Variants in NRXN1 observed in about 807,000 individuals in gnomAD.
The protein encoded by NRXN1 is neurexin-1.
In NRXN1, 39 loss-of-function variants were observed where a neutral mutation model predicts 150.9. The ratio of observed to expected loss-of-function variants is 0.26; its 90% CI spans 0.20 to 0.34. The LOEUF is 0.34. Among genes scored for constraint, NRXN1 ranks in the 10% least tolerant of loss-of-function variants. The pLI is 1.00. For missense variants in NRXN1, 1,815 were observed against 1,949.9 expected (o/e 0.93, Z 1.30); for synonymous variants, 924 against 757.0 (o/e 1.22, Z -3.62).
chr2:50,626,727 C>G (rs1410489259), intron 5 of NRXN1, among the ~76,000 whole-genome samples: 1 of 151,896 alleles, frequency 6.6e-6, no homozygotes, highest in Non-Finnish European at 1.5e-5. Context: ...CATAAAGGCA[C>G]TAATAAATAT....
At chr2:50,948,690 C>T (rs1690802455) in intron 2 of NRXN1, among the ~76,000 whole-genome samples, 1 of 151,972 alleles carries the variant, frequency 6.6e-6, no homozygotes, top group Non-Finnish European at 1.5e-5. Flanking sequence ...CACTTTGGAA[C>T]CTCAGAGTAG....
intron 5 of NRXN1, among the ~76,000 whole-genome samples, chr2:50,690,961 T>C (rs1244359005): frequency 1.3e-5 from 2 of 152,200 alleles, no homozygotes; most frequent in Non-Finnish European, 2.9e-5. Context: ...TAAATGATGA[T>C]TAAGCTGAGT....
intron 5 of NRXN1, among the ~76,000 whole-genome samples, chr2:50,680,818 G>C (rs1237555423): frequency 6.6e-6 from 1 of 151,492 alleles, no homozygotes; most frequent in Admixed American, 6.6e-5. Context: ...TTGGATTCAA[G>C]GTTATGCTAT....
intron 17 of NRXN1, among the ~76,000 whole-genome samples, chr2:50,423,961 C>A (rs546756228): frequency 6.6e-6 from 1 of 152,116 alleles, no homozygotes; most frequent in Non-Finnish European, 1.5e-5. Context: ...ACTTCCAGAA[C>A]TGAAAATTTA....
intron 21 of NRXN1, among the ~76,000 whole-genome samples, chr2:50,033,434 T>C (rs796488254): frequency 2.8e-4 from 43 of 152,064 alleles, no homozygotes; most frequent in African/African-American, 9.9e-4. Context: ...ATGAAGAAGA[T>C]TGGAACTGGA....
chr2:50,986,920 C>T (rs1268120705), intron 2 of NRXN1, among the ~76,000 whole-genome samples: 1 of 151,408 alleles, frequency 6.6e-6, no homozygotes, highest in Non-Finnish European at 1.5e-5. Context: ...AAAACAGCAC[C>T]CTGAAATCTT....
chr2:50,068,197 G>A (rs907182903), intron 19 of NRXN1, among the ~76,000 whole-genome samples: 2 of 152,018 alleles, frequency 1.3e-5, no homozygotes, highest in Non-Finnish European at 2.9e-5. Context: ...GAAAGATGAG[G>A]TTTGTCCATT....
chr2:50,502,765 TATA>T (rs1337995346), intron 13 of NRXN1, among the ~76,000 whole-genome samples: 1 of 152,184 alleles, frequency 6.6e-6, no homozygotes, highest in Non-Finnish European at 1.5e-5. Flanking sequence ...TATATGTACA[TATA>T]ATGTATATGT....
intron 18 of NRXN1, among the ~76,000 whole-genome samples, chr2:50,171,156 G>T (rs1054589269): frequency 6.6e-6 from 1 of 151,798 alleles, no homozygotes; most frequent in Non-Finnish European, 1.5e-5. Context: ...TGATCTTGCT[G>T]TCTCATGGGT....
At chr2:50,359,329 C>T (rs2079029393) in intron 17 of NRXN1, among the ~76,000 whole-genome samples, 1 of 151,636 alleles carries the variant, frequency 6.6e-6, no homozygotes, top group Non-Finnish European at 1.5e-5. Context: ...GGAGCATGTT[C>T]TAACCCAATG....
intron 17 of NRXN1, among the ~76,000 whole-genome samples, chr2:50,280,792 G>C (rs2071327151): frequency 6.6e-6 from 1 of 152,144 alleles, no homozygotes; most frequent in African/African-American, 2.4e-5. Flanking sequence ...TGCTCCTATT[G>C]AGCCTTTCCT....
chr2:50,582,689 T>G (rs1672476107), intron 8 of NRXN1, among the ~76,000 whole-genome samples: 1 of 151,102 alleles, frequency 6.6e-6, no homozygotes, highest in African/African-American at 2.4e-5. Flanking sequence ...AAAATCAAAG[T>G]ACCTTATATA....
chr2:50,754,073 A>T (rs2105345202), intron 5 of NRXN1, among the ~76,000 whole-genome samples: 1 of 151,898 alleles, frequency 6.6e-6, no homozygotes, highest in South Asian at 2.1e-4. Context: ...CTAATATACC[A>T]TAAAAGGAAA....
chr2:49,972,169 G>C (rs2152496744), intron 21 of NRXN1, among the ~76,000 whole-genome samples: 1 of 152,234 alleles, frequency 6.6e-6, no homozygotes, highest in South Asian at 2.1e-4. Context: ...TAAAATCAGA[G>C]GATTCAGAAA....
chr2:50,238,602 G>A (rs749444067), intron 17 of NRXN1, among the ~76,000 whole-genome samples: 11 of 152,060 alleles, frequency 7.2e-5, no homozygotes, highest in Non-Finnish European at 7.4e-5. Flanking sequence ...ACTATACATT[G>A]AATTGCCATG....
At chr2:50,911,280 A>G (rs994926221) in intron 5 of NRXN1, among the ~76,000 whole-genome samples, 4 of 151,768 alleles carry the variant, frequency 2.6e-5, no homozygotes, top group African/African-American at 4.8e-5. Context: ...CAACATTACA[A>G]TCTCGTGTTC....
intron 5 of NRXN1, among the ~76,000 whole-genome samples, chr2:50,870,357 C>G (rs756702668): frequency 1.4e-4 from 21 of 151,776 alleles, no homozygotes; most frequent in Non-Finnish European, 3.1e-4. Context: ...GAGGTGGGTG[C>G]TCGTTATGTT....
intron 5 of NRXN1, among the ~76,000 whole-genome samples, chr2:50,677,499 G>T (rs913082661): frequency 9.9e-5 from 15 of 152,076 alleles, no homozygotes; most frequent in African/African-American, 3.6e-4. Flanking sequence ...AGTTTAAAAA[G>T]CCTACCATTT....
intron 2 of NRXN1, among the ~76,000 whole-genome samples, chr2:50,954,611 G>A (rs138347363): frequency 7.9e-5 from 12 of 152,300 alleles, no homozygotes; most frequent in Non-Finnish European, 1.5e-4. Flanking sequence ...ATGCTGGTAC[G>A]CAGTAGGCAC....
Sources: allele counts gnomAD v4.1 joint callset (sites outside exome capture counted in the v4.1 genomes callset), GRCh38; gene constraint gnomAD v4.1.1; transcripts MANE v1.5; gene names NCBI Gene and HGNC (gene_info 2026-07-23, HGNC 2026-07-21).